NSMCE2: variants seen among roughly 807,000 people sequenced by gnomAD.
The protein encoded by NSMCE2 is E3 SUMO-protein ligase NSE2.
Under a neutral mutation model 23.8 loss-of-function variants are expected in NSMCE2, and 24 were observed. That is an observed-to-expected ratio of 1.01 (90% CI 0.73 to 1.42). The LOEUF is 1.42. Ranked by LOEUF, NSMCE2 falls within the 40% of genes most tolerant of loss-of-function variation. The pLI is 0.00. For synonymous variants in NSMCE2, 92 were observed against 94.1 expected, an observed-to-expected ratio of 0.98 and a Z score of 0.13; for missense variants, 284 against 296.5, an observed-to-expected ratio of 0.96 and a Z score of 0.31.
rs531775338 is a variant in NSMCE2 at position 125,267,134 on chromosome 8, A to G, written c.418+84878A>G. On this transcript the variant is annotated intron_variant, in intron 5 of 7. Coordinates refer to ENST00000287437, the MANE Select transcript of NSMCE2 (RefSeq NM_173685.4). The stretch of plus-strand genomic sequence containing the variant: ...ATTCTCTTGCCTCAGCCTCCCAAGT[A>G]ACTGGATTATATATAGGCACGCACT... Among the ~76,000 whole-genome samples, 138 of 149,614 alleles carry G rather than the reference A, an allele frequency of 9.2e-4. 5 individuals carry two copies. The South Asian group carries it at 0.022, about 23-fold the overall frequency.
chr8:125,343,826 T>C (rs1237743992), intron 5 of NSMCE2, among the ~76,000 whole-genome samples: 1 of 151,058 alleles, frequency 6.6e-6, no homozygotes, highest in Non-Finnish European at 1.5e-5. Flanking sequence ...AAACCCCGTC[T>C]CCACTAAAAA....
intron 5 of NSMCE2, among the ~76,000 whole-genome samples, chr8:125,238,127 T>C (rs959757968): frequency 6.6e-6 from 1 of 152,168 alleles, no homozygotes; most frequent in Admixed American, 6.5e-5. Context: ...TGGCATCATA[T>C]TCAAGTCCCC....
chr8:125,291,797 T>TAAA (rs921135021), intron 5 of NSMCE2, among the ~76,000 whole-genome samples: 4 of 152,224 alleles, frequency 2.6e-5, no homozygotes, highest in Non-Finnish European at 4.4e-5. Context: ...CAGAGCTTTT[T>TAAA]ACCTAGCTTT....
rs573225323 is a variant in NSMCE2, at chr8:125,142,331, G to A, written c.158-8840G>A. ...TGACTTACCAAAAACTACATAGCTAGCATGTAATTTCATAAAGCCTAGATT... is the reference window on the plus strand; with the variant it reads ...TGACTTACCAAAAACTACATAGCTAACATGTAATTTCATAAAGCCTAGATT... On this transcript the variant is annotated intron_variant, in intron 3 of 7. Transcript: ENST00000287437. Among the ~76,000 whole-genome samples, 14 of 152,236 alleles carry A rather than the reference G, an allele frequency of 9.2e-5. 1 individual carries two copies. The highest frequency in any genetic ancestry group is 3.4e-3 in the Middle Eastern group (1 of 294).
At chr8:125,290,088 A>G (rs372438681) in intron 5 of NSMCE2, among the ~76,000 whole-genome samples, 38 of 152,214 alleles carry the variant, frequency 2.5e-4, no homozygotes, top group African/African-American at 9.2e-4. Context: ...GAACTTCTAG[A>G]CAAGCACCTG....
chr8:125,102,269 T>C, intron 2 of NSMCE2, 48 bp from the exon 3 acceptor site: 1 of 1,251,402 alleles, frequency 8.0e-7, no homozygotes, highest in Non-Finnish European at 1.2e-6. Context: ...TCCTGTGCAG[T>C]TATTATTCTG....
At chr8:125,173,828 G>C (rs1586562798) in intron 4 of NSMCE2, among the ~76,000 whole-genome samples, 1 of 152,170 alleles carries the variant, frequency 6.6e-6, no homozygotes, top group African/African-American at 2.4e-5. Context: ...AGGTGAACGG[G>C]GGTTTGAGTA....
intron 5 of NSMCE2, among the ~76,000 whole-genome samples, chr8:125,286,317 T>A (rs1204173238): frequency 2.6e-5 from 1 of 38,392 alleles, no homozygotes; most frequent in Non-Finnish European, 1.1e-4. Flanking sequence ...TTTTATTTAT[T>A]TTTTTTTTTT....
chr8:125,298,076 C>T (rs920936743), intron 5 of NSMCE2, among the ~76,000 whole-genome samples: 1 of 152,108 alleles, frequency 6.6e-6, no homozygotes, highest in Non-Finnish European at 1.5e-5. Context: ...GCCTGGCCAA[C>T]ATGGTGAAAC....
At chr8:125,249,754 T>C (rs1826128691) in intron 5 of NSMCE2, among the ~76,000 whole-genome samples, 1 of 152,152 alleles carries the variant, frequency 6.6e-6, no homozygotes, top group Non-Finnish European at 1.5e-5. Flanking sequence ...TGATCAAAGT[T>C]TCTAAGCAAA....
Position 125,107,703 on chromosome 8 carries a change from AAAAC to A in NSMCE2, c.157+5225_157+5228del, listed in dbSNP as rs1180445749. Among the ~76,000 whole-genome samples the A allele has an allele frequency of 8.5e-5, 13 of 152,342 alleles. No individual in the cohort carries two copies. In the East Asian group the frequency reaches 1.5e-3, roughly 18 times the overall value. ...GTGCAAATGTTAAAAAAGAAAAAGAAAAACAAACAAACCCAGACAAATAGCATCT... is the reference window on the plus strand; with the variant it reads ...GTGCAAATGTTAAAAAAGAAAAAGAAAAACAAACCCAGACAAATAGCATCT... On this transcript the variant is annotated intron_variant, in intron 3 of 7. Transcript: ENST00000287437.
At chr8:125,207,626 C>T (rs73704554) in intron 5 of NSMCE2, among the ~76,000 whole-genome samples, 7,933 of 152,208 alleles carry the variant, frequency 0.052, 257 homozygotes, top group African/African-American at 0.085. Context: ...GAACAAACCA[C>T]CCCAAAACGT....
intron 3 of NSMCE2, among the ~76,000 whole-genome samples, chr8:125,112,977 A>C (rs980520505): frequency 6.7e-6 from 1 of 149,722 alleles, no homozygotes; most frequent in Admixed American, 6.7e-5. Context: ...ACATATTTCA[A>C]AACAAAATGT....
intron 3 of NSMCE2, among the ~76,000 whole-genome samples, chr8:125,129,978 A>G (rs1460241445): frequency 6.6e-6 from 1 of 152,162 alleles, no homozygotes; most frequent in South Asian, 2.1e-4. Flanking sequence ...CTAAATAGTA[A>G]GCTCCAGACT....
At chr8:125,220,642 T>TA (rs555523149) in intron 5 of NSMCE2, among the ~76,000 whole-genome samples, 179 of 142,504 alleles carry the variant, frequency 1.3e-3, no homozygotes, top group East Asian at 6.8e-3. Context: ...CATCATTATT[T>TA]AAAAAAAAAA....
intron 4 of NSMCE2, among the ~76,000 whole-genome samples, chr8:125,167,568 T>C (rs1586552394): frequency 6.6e-6 from 1 of 151,532 alleles, no homozygotes; most frequent in African/African-American, 2.4e-5. Flanking sequence ...CCAGGAGGCG[T>C]AGGTTGCAGT....
At chr8:125,274,307 A>G (rs1215648984) in intron 5 of NSMCE2, among the ~76,000 whole-genome samples, 1 of 152,270 alleles carries the variant, frequency 6.6e-6, no homozygotes, top group African/African-American at 2.4e-5. Context: ...AAAGTAAATT[A>G]GTGAAACAGG....
intron 5 of NSMCE2, among the ~76,000 whole-genome samples, chr8:125,268,113 A>G (rs531402493): frequency 8.6e-5 from 13 of 151,682 alleles, no homozygotes; most frequent in Non-Finnish European, 1.8e-4. Flanking sequence ...TGCCACCTGT[A>G]GTTTCAGCTA....
At chr8:125,288,792 A>G (rs1404545351) in intron 5 of NSMCE2, among the ~76,000 whole-genome samples, 2 of 151,134 alleles carry the variant, frequency 1.3e-5, no homozygotes, top group Non-Finnish European at 2.9e-5. Context: ...TTATTTTTTA[A>G]ATTTATTTAT....
Sources: gnomAD v4.1 joint callset for allele counts (sites outside exome capture counted in the v4.1 genomes callset) on GRCh38, gnomAD v4.1.1 for gene constraint, MANE v1.5 for transcripts, NCBI Gene and HGNC (gene_info 2026-07-23, HGNC 2026-07-21) for gene names.